CLSTN2: variants seen among roughly 807,000 people sequenced by gnomAD.
CLSTN2 encodes calsyntenin-2.
A neutral mutation model predicts 101.2 loss-of-function variants in CLSTN2; 48 were observed. That is an observed-to-expected ratio of 0.47 (90% confidence interval 0.38 to 0.60). The LOEUF is 0.60. Among genes scored for constraint, CLSTN2 ranks in the 20% least tolerant of loss-of-function variants. The pLI is 0.00. For synonymous variants in CLSTN2, 481 were observed against 463.6 expected, an observed-to-expected ratio of 1.04 and a Z score of -0.48; for missense variants, 1,160 against 1,238.2, an observed-to-expected ratio of 0.94 and a Z score of 0.95.
At chr3:139,977,400 T>C (rs1297711589) in intron 1 of CLSTN2, among the ~76,000 whole-genome samples, 1 of 152,178 alleles carries the variant, frequency 6.6e-6, no homozygotes, top group Admixed American at 6.5e-5. Flanking sequence ...GGCTCAGGCC[T>C]CCATGGTCTC....
At chr3:140,504,921 C>T (rs992250427) in intron 8 of CLSTN2, among the ~76,000 whole-genome samples, 11 of 152,162 alleles carry the variant, frequency 7.2e-5, no homozygotes, top group Admixed American at 4.6e-4. Flanking sequence ...GAGACCAAAA[C>T]TCAAGTGAAA....
Position 140,145,409 on chromosome 3 carries a change from C to T in CLSTN2, c.110-30542C>T, listed in dbSNP as rs933956477. On this transcript the variant is annotated intron_variant, in intron 1 of 16. Coordinates refer to ENST00000458420, the MANE Select transcript of CLSTN2 (RefSeq NM_022131.3). ...GAATGACACAGGTCAAGCACTCCGC[C>T]CGGCACACATGGGCACTGTAGAGCA... is the stretch of plus-strand genomic sequence containing the variant. 3.9e-5 allele frequency among the ~76,000 whole-genome samples: 6 copies of T among 152,224 alleles called. No homozygotes were observed. In the South Asian group the frequency reaches 1.0e-3, roughly 26 times the overall value.
chr3:140,415,729 G>T (rs1031987975), intron 4 of CLSTN2, among the ~76,000 whole-genome samples: 1 of 152,124 alleles, frequency 6.6e-6, no homozygotes, highest in African/African-American at 2.4e-5. Context: ...GAAGAAAAGG[G>T]ATTCCTTGTA....
chr3:140,054,537 C>T (rs2008060592), intron 1 of CLSTN2, among the ~76,000 whole-genome samples: 1 of 152,168 alleles, frequency 6.6e-6, no homozygotes, highest in Admixed American at 6.5e-5. Flanking sequence ...TGGCCACAGG[C>T]TTTGCTTATA....
chr3:140,273,819 C>G (rs949295724), intron 2 of CLSTN2, among the ~76,000 whole-genome samples: 2 of 152,162 alleles, frequency 1.3e-5, no homozygotes, highest in African/African-American at 4.8e-5. Flanking sequence ...TAGGAAGGCA[C>G]TTTGTAGTTG....
chr3:139,950,641 A>G (rs968320455), intron 1 of CLSTN2, among the ~76,000 whole-genome samples: 3 of 152,242 alleles, frequency 2.0e-5, no homozygotes, highest in African/African-American at 7.2e-5. Flanking sequence ...TTAACAACAC[A>G]TATTTTGTAG....
chr3:140,209,937 C>T (rs1441820384), intron 2 of CLSTN2, among the ~76,000 whole-genome samples: 1 of 152,188 alleles, frequency 6.6e-6, no homozygotes, highest in African/African-American at 2.4e-5. Context: ...AGAGGCCATT[C>T]AGGTGCTCAT....
chr3:140,418,520 T>TC lies in CLSTN2; in HGVS notation c.638-2605_638-2604insC, dbSNP rs1467850968. 5.5e-5 allele frequency among the ~76,000 whole-genome samples: 8 copies of TC among 144,618 alleles called. No homozygotes were observed. The South Asian group carries it at 6.5e-4, about 12-fold the overall frequency. 94.9% of individuals were successfully genotyped at this position (144,618 alleles called of 152,430 possible). ...TTCTTTCTTTCTTTCTTTCTTTCTTTTTTTTTTTTTTTTCTGAGACGGAGT... is the reference window on the plus strand; with the variant it reads ...TTCTTTCTTTCTTTCTTTCTTTCTTTCTTTTTTTTTTTTTCTGAGACGGAGT... On this transcript the variant is annotated intron_variant, in intron 4 of 16. Coordinates refer to ENST00000458420, the MANE Select transcript of CLSTN2 (RefSeq NM_022131.3).
rs1985545932 is a variant in CLSTN2, at chr3:140,571,419, G to C, written c.*5166G>C. ...ATAGTTTTTACAAAAAAGTAGGTAAGTGGGTTTAATTCTTTGAAAGTATTT... is the reference window on the plus strand; with the variant it reads ...ATAGTTTTTACAAAAAAGTAGGTAACTGGGTTTAATTCTTTGAAAGTATTT... On this transcript the variant is annotated 3_prime_UTR_variant, in exon 17 of 17. Transcript: ENST00000458420. 6.6e-6 allele frequency: 1 copy of C among 152,214 alleles called. No individual in the cohort carries two copies. The highest frequency in any genetic ancestry group is 2.1e-4 in the South Asian group (1 of 4,836). 9.4% of individuals were successfully genotyped at this position (152,214 alleles called of 1,614,324 possible). A position where few individuals can be genotyped will look rare whatever the true frequency, so the allele number is the denominator to read the frequency against.
Position 140,558,649 on chromosome 3 carries a change from G to A in CLSTN2, c.1833G>A (p.Gly611=), listed in dbSNP as rs772304967. ...GAGAATGTTTTCCCAGGTGCTTTGG[G>A]GAAGACGTATGCATCAGTATCCCTG... The part of the protein sequence containing the change: ...LKVSSKVQCF[G]EDVCISIPEV... The change falls in exon 12 of 17, where the codon GGG becomes GGA. Residue 611 remains glycine (G), a synonymous_variant. Coordinates refer to ENST00000458420, the MANE Select transcript of CLSTN2 (RefSeq NM_022131.3). 12 of 1,612,606 alleles carry A rather than the reference G, an allele frequency of 7.4e-6. 1 individual carries two copies. In the South Asian group the frequency reaches 8.8e-5, roughly 12 times the overall value.
chr3:140,405,334 TCTC>T (rs1473391923), intron 4 of CLSTN2, among the ~76,000 whole-genome samples: 7 of 152,064 alleles, frequency 4.6e-5, no homozygotes, highest in Non-Finnish European at 1.0e-4. Flanking sequence ...TTCAAGTTAT[TCTC>T]CTGCCTCAGC....
At chr3:140,239,893 G>T (rs2086445033) in intron 2 of CLSTN2, among the ~76,000 whole-genome samples, 1 of 142,672 alleles carries the variant, frequency 7.0e-6, no homozygotes, top group Non-Finnish European at 1.5e-5. Context: ...ATATATGTGT[G>T]TATACATACA....
At chr3:140,344,637 A>G (rs2107938349) in intron 2 of CLSTN2, among the ~76,000 whole-genome samples, 1 of 152,260 alleles carries the variant, frequency 6.6e-6, no homozygotes, top group East Asian at 1.9e-4. Context: ...TTGAGATTCC[A>G]GCTAGTGGCC....
intron 5 of CLSTN2, among the ~76,000 whole-genome samples, chr3:140,431,362 C>T (rs568042292): frequency 2.7e-4 from 41 of 152,118 alleles, no homozygotes; most frequent in Non-Finnish European, 5.4e-4. Context: ...AGCTTCAAAC[C>T]CAAAGATGCC....
At chr3:140,237,016 C>T (rs185931920) in intron 2 of CLSTN2, among the ~76,000 whole-genome samples, 1 of 152,102 alleles carries the variant, frequency 6.6e-6, no homozygotes, top group African/African-American at 2.4e-5. Flanking sequence ...ATCTCTTCTC[C>T]TTATCATGAG....
intron 8 of CLSTN2, among the ~76,000 whole-genome samples, chr3:140,469,824 G>T (rs923513901): frequency 2.6e-5 from 4 of 152,204 alleles, no homozygotes; most frequent in Non-Finnish European, 4.4e-5. Flanking sequence ...GGGGAAGAGG[G>T]AGGGAGAGAG....
chr3:140,566,712 A>G lies in CLSTN2; in HGVS notation c.*459A>G, dbSNP rs369339733. On this transcript the variant is annotated 3_prime_UTR_variant, in exon 17 of 17. Transcript: ENST00000458420. Reference sequence around the variant, plus strand: ...TTGCTTCATACAAGGAGGGTGGTTGAACTTCACACACGTAAGGTCTTAGTG... The same window carrying G: ...TTGCTTCATACAAGGAGGGTGGTTGGACTTCACACACGTAAGGTCTTAGTG... 1 of 191,358 alleles carries G rather than the reference A, an allele frequency of 5.2e-6. No homozygotes were observed. The highest frequency in any genetic ancestry group is 1.2e-4 in the East Asian group (1 of 8,672). The allele number at this position is 191,358 out of a possible 1,614,324, so 11.9% of individuals were successfully genotyped here.
At chr3:140,112,321 G>A (rs1430570993) in intron 1 of CLSTN2, among the ~76,000 whole-genome samples, 2 of 151,906 alleles carry the variant, frequency 1.3e-5, no homozygotes, top group African/African-American at 4.8e-5. Context: ...GATGAAATGA[G>A]GTTACAGGGA....
chr3:140,127,144 T>C (rs1426453854), intron 1 of CLSTN2, among the ~76,000 whole-genome samples: 2 of 152,044 alleles, frequency 1.3e-5, no homozygotes, highest in Non-Finnish European at 2.9e-5. Flanking sequence ...TTAGGGCCAG[T>C]CAGCTGAAAT....
Sources: gnomAD v4.1 joint callset for allele counts (sites outside exome capture counted in the v4.1 genomes callset) on GRCh38, gnomAD v4.1.1 for gene constraint, MANE v1.5 for transcripts, NCBI Gene and HGNC (gene_info 2026-07-23, HGNC 2026-07-21) for gene names.